Variants in TMEM170B observed in about 807,000 individuals in gnomAD.
The protein encoded by TMEM170B is transmembrane protein 170B.
TMEM170B carries 6 observed loss-of-function variants against 13.0 expected under a neutral mutation model. That is an observed-to-expected ratio of 0.46 (90% CI 0.25 to 0.91). TMEM170B has a LOEUF of 0.91. Ranked by LOEUF, TMEM170B falls within the 40% of genes least tolerant of loss-of-function variation. TMEM170B has a pLI of 0.17. For synonymous variants in TMEM170B, 61 were observed against 64.9 expected (o/e 0.94, Z 0.29); for missense variants, 138 against 165.2 (o/e 0.84, Z 0.90).
At chr6:11,553,969 A>G (rs1418794155) in intron 1 of TMEM170B, among the ~76,000 whole-genome samples, 1 of 152,162 alleles carries the variant, frequency 6.6e-6, no homozygotes, top group Non-Finnish European at 1.5e-5. Flanking sequence ...CAGCATAATT[A>G]CTTCCTTACA....
rs994526022 is a variant in TMEM170B, at chr6:11,575,325, G to T, written c.269-106G>T. 9.2e-6 allele frequency: 13 copies of T among 1,409,718 alleles called. No homozygotes were observed. In the African/African-American group the frequency reaches 1.9e-4, roughly 20 times the overall value. The allele number at this position is 1,409,718 out of a possible 1,614,324, so 87.3% of individuals were successfully genotyped here. A position where few individuals can be genotyped will look rare whatever the true frequency, so the allele number is the denominator to read the frequency against. ...AAAGTGGATAAAATGAGAAAAAAATGATGACTTATGTTTTGATGAAATGAA... is the reference window on the plus strand; with the variant it reads ...AAAGTGGATAAAATGAGAAAAAAATTATGACTTATGTTTTGATGAAATGAA... On this transcript the variant is annotated intron_variant, in intron 2 of 2. Coordinates refer to ENST00000379426, the MANE Select transcript of TMEM170B (RefSeq NM_001100829.3). This position sits in a 1 kb window ranked among gnomAD's most constrained non-coding sequence, Gnocchi z 4.1.
chr6:11,556,450 T>C (rs185547247), intron 1 of TMEM170B, among the ~76,000 whole-genome samples: 67 of 152,144 alleles, frequency 4.4e-4, no homozygotes, highest in African/African-American at 1.6e-3. Context: ...TCAAAAGGGG[T>C]CTCTCTCCAC....
intron 1 of TMEM170B, among the ~76,000 whole-genome samples, chr6:11,549,105 G>C (rs563855071): frequency 1.3e-5 from 2 of 152,162 alleles, no homozygotes; most frequent in Non-Finnish European, 2.9e-5. Flanking sequence ...AGAGGTAAGA[G>C]GAGAGCCCAG....
chr6:11,546,435 T>A (rs1759442006), intron 1 of TMEM170B, among the ~76,000 whole-genome samples: 1 of 152,132 alleles, frequency 6.6e-6, no homozygotes, highest in African/African-American at 2.4e-5. Flanking sequence ...GAACAAAAAA[T>A]ATTTTAAAAA....
chr6:11,563,129 G>A (rs894605670), intron 1 of TMEM170B, among the ~76,000 whole-genome samples: 2 of 152,108 alleles, frequency 1.3e-5, no homozygotes, highest in Non-Finnish European at 2.9e-5. Flanking sequence ...CTGAGGTCGG[G>A]AGTTTGAGAC....
At chr6:11,548,314 C>A (rs1759466785) in intron 1 of TMEM170B, among the ~76,000 whole-genome samples, 1 of 152,144 alleles carries the variant, frequency 6.6e-6, no homozygotes, top group Non-Finnish European at 1.5e-5. Flanking sequence ...AGCCAACAGA[C>A]ACAAGAAAAA....
rs536257056 is a variant in TMEM170B, at chr6:11,583,413, C to G, written c.*7852C>G. 3 of 152,102 alleles carry G rather than the reference C, an allele frequency of 2.0e-5. No homozygotes were observed. Among genetic ancestry groups the G allele is most frequent in the Non-Finnish European group, 4.4e-5 (3 of 68,020 alleles). The allele number at this position is 152,102 out of a possible 1,614,324, so 9.4% of individuals were successfully genotyped here. On this transcript the variant is annotated 3_prime_UTR_variant, in exon 3 of 3. Transcript: ENST00000379426. Reference sequence around the variant, plus strand: ...AAAAGTGAATCCAGCACTTAAATGTCATTACACAGAATTTATTGGATTAAA... The same window carrying G: ...AAAAGTGAATCCAGCACTTAAATGTGATTACACAGAATTTATTGGATTAAA...
At position 11,537,852 on chromosome 6, in the gene TMEM170B, C is replaced by T. The variant is rs945139583; in HGVS notation, c.-426C>T. Among the ~76,000 whole-genome samples the T allele has an allele frequency of 1.3e-5, 2 of 151,738 alleles. No homozygotes were observed. Among genetic ancestry groups the T allele is most frequent in the African/African-American group, 4.8e-5 (2 of 41,382 alleles). On this transcript the variant is annotated 5_prime_UTR_variant, in exon 1 of 3. Transcript: ENST00000379426. ...TCCTCCGGCGGCGATGAGCTGGGCC[C>T]TGTCGGGGGCTGCACCTGCCGGCTG...
rs1561690483 is a variant in TMEM170B at position 11,575,558 on chromosome 6, T to G, written c.396T>G (p.Leu132=). The change falls in exon 3 of 3, where the codon CTT becomes CTG. Residue 132 remains leucine, a synonymous_variant. Transcript: ENST00000379426. The surrounding 1 kb of genome is among the most constrained non-coding windows in gnomAD (Gnocchi z 4.1). ...IISFSRILAT[L] ...CCTTTTCAAGGATCCTCGCTACACT[T>G]TGAGGTTTCTGTGGGAATGTCTTAC... The G allele has an allele frequency of 1.2e-6, 2 of 1,612,860 alleles. No homozygotes were observed. The highest frequency in any genetic ancestry group is 2.2e-5 in the East Asian group (1 of 44,866).
rs761666405 is a variant in TMEM170B at position 11,538,299 on chromosome 6, C to T, written c.22C>T (p.His8Tyr). 2.8e-6 allele frequency: 4 copies of T among 1,442,800 alleles called. No homozygotes were observed. Among genetic ancestry groups the T allele is most frequent in the Non-Finnish European group, 1.8e-6 (2 of 1,099,542 alleles). The allele number at this position is 1,442,800 out of a possible 1,614,324, so 89.4% of individuals were successfully genotyped here. A position where few individuals can be genotyped will look rare whatever the true frequency, so the allele number is the denominator to read the frequency against. Residue 8 changes from histidine to tyrosine, a missense_variant, in exon 1 of 3, where the codon CAC becomes TAC. By Grantham distance (83) the His-to-Tyr change is moderately conservative. Coordinates refer to ENST00000379426, the MANE Select transcript of TMEM170B (RefSeq NM_001100829.3). ...GAAGATGAAGGCGGAGGGGGGCGAC[C>T]ACTCCATGATCAACCTGTCGGTGCA... MKAEGGD[H>Y]SMINLSVQQV...
intron 1 of TMEM170B, among the ~76,000 whole-genome samples, chr6:11,546,425 GA>G (rs1759441915): frequency 6.6e-6 from 1 of 152,050 alleles, no homozygotes; most frequent in Non-Finnish European, 1.5e-5. Context: ...AATTATTGCA[GA>G]ACAAAAAATA....
rs1200053321 is a variant in TMEM170B, at chr6:11,576,508, G to A, written c.*947G>A. 2.6e-5 allele frequency: 4 copies of A among 151,998 alleles called. No homozygotes were observed. The highest frequency in any genetic ancestry group is 4.8e-5 in the African/African-American group (2 of 41,388). 9.4% of individuals were successfully genotyped at this position (151,998 alleles called of 1,614,324 possible). On this transcript the variant is annotated 3_prime_UTR_variant, in exon 3 of 3. Coordinates refer to ENST00000379426, the MANE Select transcript of TMEM170B (RefSeq NM_001100829.3). ...TAGTATCTCAGTGGGATTGTATTAC[G>A]TGTTGCATATATCTTGATTTTTGAC...
Position 11,553,552 on chromosome 6 carries a change from T to C in TMEM170B, c.98-12114T>C, listed in dbSNP as rs1406185227. Among the ~76,000 whole-genome samples, 3 of 152,206 alleles carry C rather than the reference T, an allele frequency of 2.0e-5. No individual in the cohort carries two copies. The South Asian group carries it at 6.2e-4, about 31-fold the overall frequency. On this transcript the variant is annotated intron_variant, in intron 1 of 2. Coordinates refer to ENST00000379426, the MANE Select transcript of TMEM170B (RefSeq NM_001100829.3). Reference sequence around the variant, plus strand: ...TCAACTTCTACTAGCTAGTTTTTTTTACTTTAGACAAGTCATGTATTTCCC... The same window carrying C: ...TCAACTTCTACTAGCTAGTTTTTTTCACTTTAGACAAGTCATGTATTTCCC...
chr6:11,541,724 C>T (rs1561905788), intron 1 of TMEM170B, among the ~76,000 whole-genome samples: 1 of 152,214 alleles, frequency 6.6e-6, no homozygotes. Context: ...CATCTTTGAA[C>T]GTGCCTTCCT....
At chr6:11,572,913 A>C (rs1759824438) in intron 2 of TMEM170B, among the ~76,000 whole-genome samples, 1 of 152,168 alleles carries the variant, frequency 6.6e-6, no homozygotes, top group African/African-American at 2.4e-5. Flanking sequence ...ATTTCAGTTC[A>C]TACAAATCTA....
chr6:11,567,209 C>T (rs946454552), intron 2 of TMEM170B, among the ~76,000 whole-genome samples: 8 of 152,194 alleles, frequency 5.3e-5, no homozygotes, highest in Admixed American at 2.6e-4. Flanking sequence ...GAGACTGGAG[C>T]GTGCCACATC....
chr6:11,572,074 T>C (rs563919780), intron 2 of TMEM170B, among the ~76,000 whole-genome samples: 1 of 152,302 alleles, frequency 6.6e-6, no homozygotes, highest in South Asian at 2.1e-4. Context: ...AAATACACAT[T>C]GGTACAGCTA....
chr6:11,551,730 G>GTGGCT (rs767726370), intron 1 of TMEM170B, among the ~76,000 whole-genome samples: 9 of 152,096 alleles, frequency 5.9e-5, no homozygotes, highest in Non-Finnish European at 1.2e-4. Context: ...TAATTCTTTT[G>GTGGCT]TGGCTTGTTG....
Position 11,575,300 on chromosome 6 carries a change from A to G in TMEM170B, c.269-131A>G. ...CAATCACAGGGAAACTTTTTCATAG[A>G]AAGTGGATAAAATGAGAAAAAAATG... On this transcript the variant is annotated intron_variant, in intron 2 of 2. Transcript: ENST00000379426. This position sits in a 1 kb window ranked among gnomAD's most constrained non-coding sequence, Gnocchi z 4.1. 2 of 1,268,338 alleles carry G rather than the reference A, an allele frequency of 1.6e-6. No homozygotes were observed. Among genetic ancestry groups the G allele is most frequent in the Non-Finnish European group, 1.1e-6 (1 of 918,846 alleles). 78.6% of individuals were successfully genotyped at this position (1,268,338 alleles called of 1,614,324 possible).
Sources: gnomAD v4.1 joint callset for allele counts (sites outside exome capture counted in the v4.1 genomes callset) on GRCh38, gnomAD v4.1.1 for gene constraint, Gnocchi (gnomAD v3.1) non-coding constraint, MANE v1.5 for transcripts, NCBI Gene and HGNC (gene_info 2026-07-23, HGNC 2026-07-21) for gene names.